The following CNTNAP2 variants were observed in gnomAD, a reference collection of about 807,000 sequenced individuals.
CNTNAP2 encodes the protein contactin-associated protein-like 2.
A neutral mutation model predicts 155.2 loss-of-function variants in CNTNAP2; 98 were observed. The ratio of observed to expected loss-of-function variants is 0.63; its 90% confidence interval spans 0.54 to 0.75. The LOEUF is 0.75. Among genes scored for constraint, CNTNAP2 ranks in the 30% least tolerant of loss-of-function variants. CNTNAP2 has a pLI of 0.00. For synonymous variants in CNTNAP2, 651 were observed against 631.2 expected, an observed-to-expected ratio of 1.03 and a Z score of -0.47; for missense variants, 1,727 against 1,688.1, an observed-to-expected ratio of 1.02 and a Z score of -0.40.
intron 1 of CNTNAP2, among the ~76,000 whole-genome samples, chr7:146,164,025 A>G (rs1250163703): frequency 2.6e-5 from 4 of 152,046 alleles, no homozygotes; most frequent in South Asian, 4.1e-4. Flanking sequence ...TTGATATTAT[A>G]TTTGCTTCTT....
At chr7:148,078,933 C>T (rs1467624275) in intron 15 of CNTNAP2, among the ~76,000 whole-genome samples, 1 of 152,154 alleles carries the variant, frequency 6.6e-6, no homozygotes, top group African/African-American at 2.4e-5. Flanking sequence ...GCTTTTTCAA[C>T]CTATGAACAG....
chr7:146,276,098 C>A (rs953706148), intron 1 of CNTNAP2, among the ~76,000 whole-genome samples: 1 of 152,132 alleles, frequency 6.6e-6, no homozygotes, highest in Non-Finnish European at 1.5e-5. Flanking sequence ...GAGACTAGTA[C>A]GTGAACCAGA....
intron 3 of CNTNAP2, among the ~76,000 whole-genome samples, chr7:146,886,777 T>C (rs938298593): frequency 2.0e-5 from 3 of 150,344 alleles, no homozygotes; most frequent in East Asian, 1.9e-4. Context: ...TTATCTAGTA[T>C]AGCCTCCTAT....
At chr7:147,919,520 G>A (rs569587494) in intron 14 of CNTNAP2, among the ~76,000 whole-genome samples, 6 of 132,656 alleles carry the variant, frequency 4.5e-5, no homozygotes, top group Non-Finnish European at 6.3e-5. Context: ...GTGCAGTGGC[G>A]CAATCTCTGC....
intron 17 of CNTNAP2, among the ~76,000 whole-genome samples, chr7:148,169,719 T>G (rs1351284106): frequency 6.6e-6 from 1 of 152,196 alleles, no homozygotes; most frequent in African/African-American, 2.4e-5. Context: ...CCCAGCACTT[T>G]GGGAGGCCAA....
At chr7:147,461,304 A>G (rs551699178) in intron 10 of CNTNAP2, among the ~76,000 whole-genome samples, 2 of 152,302 alleles carry the variant, frequency 1.3e-5, no homozygotes, top group East Asian at 1.9e-4. Flanking sequence ...CAAACAGTTC[A>G]TTGGTTGTAT....
At chr7:147,063,887 T>G (rs938306142) in intron 4 of CNTNAP2, among the ~76,000 whole-genome samples, 1 of 152,150 alleles carries the variant, frequency 6.6e-6, no homozygotes, top group African/African-American at 2.4e-5. Flanking sequence ...AGTCACAGTT[T>G]CAATTTCTCA....
chr7:146,418,687 C>G (rs1795970139), intron 1 of CNTNAP2, among the ~76,000 whole-genome samples: 1 of 152,048 alleles, frequency 6.6e-6, no homozygotes, highest in Non-Finnish European at 1.5e-5. Context: ...CCCCAGGAAA[C>G]CAATGTTATA....
At chr7:147,601,644 AAT>A (rs1160603745) in intron 12 of CNTNAP2, among the ~76,000 whole-genome samples, 26 of 87,442 alleles carry the variant, frequency 3.0e-4, no homozygotes, top group South Asian at 1.1e-3. Context: ...CTTAAAAAAA[AAT>A]ATATATATAT....
chr7:147,866,200 C>A (rs1157173239), intron 13 of CNTNAP2, among the ~76,000 whole-genome samples: 1 of 152,134 alleles, frequency 6.6e-6, no homozygotes, highest in Non-Finnish European at 1.5e-5. Context: ...CATTCAGGAG[C>A]AGGTTGTTCA....
intron 14 of CNTNAP2, among the ~76,000 whole-genome samples, chr7:147,965,481 A>G (rs1337268049): frequency 6.6e-6 from 1 of 151,576 alleles, no homozygotes; most frequent in Non-Finnish European, 1.5e-5. Context: ...CTTTTTCTTC[A>G]TGACATTACT....
At chr7:147,723,707 C>T (rs1796601345) in intron 13 of CNTNAP2, among the ~76,000 whole-genome samples, 1 of 151,976 alleles carries the variant, frequency 6.6e-6, no homozygotes, top group Non-Finnish European at 1.5e-5. Flanking sequence ...TTTGGTCCAA[C>T]TCACTTCACC....
intron 1 of CNTNAP2, among the ~76,000 whole-genome samples, chr7:146,461,396 C>A (rs1428613889): frequency 7.2e-6 from 1 of 137,996 alleles, no homozygotes; most frequent in Non-Finnish European, 1.5e-5. Context: ...AAGAGCAAGA[C>A]TCCGTCTCAA....
chr7:146,316,324 G>C (rs957713602), intron 1 of CNTNAP2, among the ~76,000 whole-genome samples: 1 of 152,060 alleles, frequency 6.6e-6, no homozygotes, highest in Non-Finnish European at 1.5e-5. Context: ...TTAAAGGAGA[G>C]AGAAAAGAGG....
intron 3 of CNTNAP2, among the ~76,000 whole-genome samples, chr7:146,926,584 G>A (rs1796614472): frequency 6.6e-6 from 1 of 152,134 alleles, no homozygotes; most frequent in South Asian, 2.1e-4. Context: ...CACAATTTTA[G>A]TACTCAGTCT....
chr7:146,126,098 G>A (rs1797632013), intron 1 of CNTNAP2, among the ~76,000 whole-genome samples: 2 of 152,158 alleles, frequency 1.3e-5, no homozygotes, highest in South Asian at 2.1e-4. Context: ...GACACATGGA[G>A]AAGTAACTTC....
intron 1 of CNTNAP2, among the ~76,000 whole-genome samples, chr7:146,163,723 G>T (rs976996105): frequency 6.7e-6 from 1 of 149,840 alleles, no homozygotes; most frequent in African/African-American, 2.4e-5. Context: ...ACTCCATACT[G>T]GGTAAAAAAA....
intron 17 of CNTNAP2, among the ~76,000 whole-genome samples, chr7:148,150,130 A>AAG (rs1563215501): frequency 7.0e-6 from 1 of 142,828 alleles, no homozygotes; most frequent in Non-Finnish European, 1.5e-5. Flanking sequence ...AAAAAAAAAA[A>AAG]GGACGGCCAC....
intron 13 of CNTNAP2, among the ~76,000 whole-genome samples, chr7:147,761,578 A>G (rs1797299165): frequency 6.6e-6 from 1 of 152,166 alleles, no homozygotes; most frequent in Admixed American, 6.5e-5. Flanking sequence ...AGTGCTGTAG[A>G]AGGCTCAAAC....
Sources: gnomAD v4.1 joint callset for allele counts (sites outside exome capture counted in the v4.1 genomes callset) on GRCh38, gnomAD v4.1.1 for gene constraint, MANE v1.5 for transcripts, NCBI Gene and HGNC (gene_info 2026-07-23, HGNC 2026-07-21) for gene names.